Variants in CDH19 observed in about 807,000 individuals in gnomAD.
CDH19 encodes cadherin-19.
Under a neutral mutation model 64.2 loss-of-function variants are expected in CDH19, and 67 were observed. The ratio of observed to expected loss-of-function variants is 1.04; its 90% CI spans 0.86 to 1.28. CDH19 has a LOEUF of 1.28. CDH19 is among the 50% of genes most tolerant of loss of function. The pLI, the probability that CDH19 is intolerant of heterozygous loss-of-function variation, is 0.00. For synonymous variants in CDH19, 346 were observed against 319.3 expected (o/e 1.08, Z -0.89); for missense variants, 1,030 against 929.0 (o/e 1.11, Z -1.41).
intron 3 of CDH19, among the ~76,000 whole-genome samples, chr18:66,561,148 C>A (rs867171950): frequency 2.6e-5 from 4 of 152,052 alleles, no homozygotes; most frequent in African/African-American, 9.7e-5. Context: ...ATTTGTCTGA[C>A]AGACTGTTTC....
intron 2 of CDH19, among the ~76,000 whole-genome samples, chr18:66,569,004 A>T (rs1007758645): frequency 6.6e-6 from 1 of 151,700 alleles, no homozygotes; most frequent in African/African-American, 2.4e-5. Context: ...TAGTTGGTTC[A>T]GTTTTTATTT....
rs1986648689 is a variant in CDH19 at position 66,535,888 on chromosome 18, T to C, written c.1215-781A>G. Among the ~76,000 whole-genome samples the C allele has an allele frequency of 2.7e-5, 4 of 147,268 alleles. 1 individual carries two copies. In the South Asian group the frequency reaches 8.3e-4, roughly 31 times the overall value. On this transcript the variant is annotated intron_variant, in intron 7 of 11. Transcript: ENST00000262150. Reference sequence around the variant, plus strand: ...TATGTGATATATTACATCACATGTATTTATTTTATATTATATATTTTTACA... The same window carrying C: ...TATGTGATATATTACATCACATGTACTTATTTTATATTATATATTTTTACA...
Position 66,548,268 on chromosome 18 carries a change from T to TTAA in CDH19, c.775+2825_775+2826insTTA, listed in dbSNP as rs1555687815. Among the ~76,000 whole-genome samples the TTAA allele has an allele frequency of 4.4e-3, 639 of 146,062 alleles. 2 individuals carry two copies. The highest frequency in any genetic ancestry group is 0.014 in the African/African-American group (580 of 40,070). On this transcript the variant is annotated intron_variant, in intron 5 of 11. Transcript: ENST00000262150. ...CTTTATATATATATATATATTTTTT[T>TTAA]AAAAATATATAATATATGAAGTTGA... is the stretch of plus-strand genomic sequence containing the variant.
intron 1 of CDH19, among the ~76,000 whole-genome samples, chr18:66,579,990 T>C (rs1271735553): frequency 1.3e-5 from 2 of 152,052 alleles, no homozygotes; most frequent in African/African-American, 2.4e-5. Context: ...AAAACCATTG[T>C]GGTAAATTGA....
intron 1 of CDH19, among the ~76,000 whole-genome samples, chr18:66,593,518 GA>G (rs1307995756): frequency 1.3e-5 from 2 of 151,916 alleles, no homozygotes; most frequent in African/African-American, 4.8e-5. Context: ...TTGCATAGTA[GA>G]AAAACTTAGT....
chr18:66,603,925 TA>T (rs1989098053), intron 1 of CDH19, 28 bp downstream of exon 1: 1 of 152,198 alleles, frequency 6.6e-6, no homozygotes, highest in Admixed American at 6.5e-5. Context: ...GCATGTAGTT[TA>T]TAATATGCCT....
At chr18:66,597,055 C>T (rs1988912858) in intron 1 of CDH19, among the ~76,000 whole-genome samples, 1 of 113,608 alleles carries the variant, frequency 8.8e-6, no homozygotes, top group South Asian at 3.2e-4. Context: ...GCACTCCAGC[C>T]TGGGCGACAG....
chr18:66,571,650 C>T (rs921959805), intron 2 of CDH19, among the ~76,000 whole-genome samples: 1 of 151,620 alleles, frequency 6.6e-6, no homozygotes, highest in African/African-American at 2.4e-5. Context: ...GGTAAATCAA[C>T]AGCTACTTAG....
rs186132873 is a variant in CDH19, at chr18:66,534,379, G to A, written c.1336+607C>T. On this transcript the variant is annotated intron_variant, in intron 8 of 11. Transcript: ENST00000262150. ...TATCACCTGCCATCTGCCTGATAAA[G>A]TAAGGAAAAGAGAGATATCTGCTCC... Among the ~76,000 whole-genome samples, 570 of 151,960 alleles carry A rather than the reference G, an allele frequency of 3.8e-3. 6 individuals are homozygous for A. Among genetic ancestry groups the A allele is most frequent in the Non-Finnish European group, 6.1e-3 (416 of 67,902 alleles).
Position 66,554,472 on chromosome 18 carries a change from A to G in CDH19, c.543T>C (p.Gly181=). Residue 181 remains glycine (G), a synonymous_variant, in exon 4 of 12, where the codon GGT becomes GGC. Transcript: ENST00000262150. The stretch of plus-strand genomic sequence containing the variant: ...AGCTGTAGAGGAGACGAGCATTATT[A>G]CCACTTGAGGGATCGTCAGCATCAC... The part of the protein sequence containing the change: ...TASDADDPSS[G]NNARLLYSLL... The G allele has an allele frequency of 6.2e-7, 1 of 1,611,098 alleles. No individual in the cohort carries two copies. Among genetic ancestry groups the G allele is most frequent in the Middle Eastern group, 1.7e-4 (1 of 6,046 alleles).
In CDH19 at chr18:66,535,136, AT is replaced by A. The variant is rs758404514; in HGVS notation, c.1215-30del. 8.1e-6 allele frequency: 11 copies of A among 1,356,342 alleles called. No homozygotes were observed. The African/African-American group carries it at 1.0e-4, about 13-fold the overall frequency. The allele number at this position is 1,356,342 out of a possible 1,614,324, so 84.0% of individuals were successfully genotyped here. Reference sequence around the variant, plus strand: ...AACCAAAAGGAAAGTATACCTTAATATTTTTATTCTATCTGCATAACAGTGT... The same window carrying A: ...AACCAAAAGGAAAGTATACCTTAATATTTTATTCTATCTGCATAACAGTGT... On this transcript the variant is annotated intron_variant, in intron 7 of 11. Coordinates refer to ENST00000262150, the MANE Select transcript of CDH19 (RefSeq NM_021153.4).
At chr18:66,597,810 A>G (rs1383757013) in intron 1 of CDH19, among the ~76,000 whole-genome samples, 1 of 152,144 alleles carries the variant, frequency 6.6e-6, no homozygotes, top group Admixed American at 6.5e-5. Context: ...TCAAAAGAAG[A>G]CATGCACACA....
Position 66,503,094 on chromosome 18 carries a change from A to G in CDH19, c.*1718T>C, listed in dbSNP as rs769944849. On this transcript the variant is annotated 3_prime_UTR_variant, in exon 12 of 12. Transcript: ENST00000262150. ...CTTAGTCTCACATGCTATTAATAAA[A>G]AAATGATCATATGAACCAATTTTAA... The G allele has an allele frequency of 5.3e-5, 8 of 152,034 alleles. No individual in the cohort carries two copies. The highest frequency in any genetic ancestry group is 3.4e-3 in the Middle Eastern group (1 of 294). The allele number at this position is 152,034 out of a possible 1,614,324, so 9.4% of individuals were successfully genotyped here.
At chr18:66,588,802 T>C (rs1054820827) in intron 1 of CDH19, among the ~76,000 whole-genome samples, 1 of 151,646 alleles carries the variant, frequency 6.6e-6, no homozygotes, top group African/African-American at 2.4e-5. Flanking sequence ...GTGTTTCACT[T>C]AAAGTTACAG....
At chr18:66,598,738 CACT>C (rs1988967647) in intron 1 of CDH19, among the ~76,000 whole-genome samples, 1 of 152,070 alleles carries the variant, frequency 6.6e-6, no homozygotes, top group Non-Finnish European at 1.5e-5. Flanking sequence ...GTAGTATTAT[CACT>C]ACCTGGGTGA....
At chr18:66,579,960 C>A (rs1182710986) in intron 1 of CDH19, among the ~76,000 whole-genome samples, 2 of 151,620 alleles carry the variant, frequency 1.3e-5, no homozygotes, top group African/African-American at 2.4e-5. Flanking sequence ...TAAAATATCT[C>A]AAAAAAATGG....
chr18:66,549,656 AT>A (rs1465091091), intron 5 of CDH19, among the ~76,000 whole-genome samples: 1 of 152,160 alleles, frequency 6.6e-6, no homozygotes, highest in Non-Finnish European at 1.5e-5. Flanking sequence ...AAAATTTAAA[AT>A]TGTGAGATAG....
chr18:66,518,461 T>C (rs372124240), intron 9 of CDH19, among the ~76,000 whole-genome samples: 23 of 152,186 alleles, frequency 1.5e-4, no homozygotes, highest in African/African-American at 5.3e-4. Context: ...CTCGAACTTC[T>C]GACCTCAGGT....
chr18:66,549,842 T>G (rs1419904016), intron 5 of CDH19, among the ~76,000 whole-genome samples: 1 of 151,914 alleles, frequency 6.6e-6, no homozygotes, highest in Non-Finnish European at 1.5e-5. Flanking sequence ...GAATGGAAAA[T>G]TCAGGGTTTA....
Sources: allele counts gnomAD v4.1 joint callset (sites outside exome capture counted in the v4.1 genomes callset), GRCh38; gene constraint gnomAD v4.1.1; transcripts MANE v1.5; gene names NCBI Gene and HGNC (gene_info 2026-07-23, HGNC 2026-07-21).